The following TENM2 variants were observed in gnomAD, a reference collection of about 807,000 sequenced individuals.
TENM2 encodes teneurin-2.
A neutral mutation model predicts 245.2 loss-of-function variants in TENM2; 52 were observed. The observed-to-expected ratio is 0.21, with a 90% CI of 0.17 to 0.27. TENM2 has a LOEUF of 0.27. Among genes scored for constraint, TENM2 ranks in the 10% least tolerant of loss-of-function variants. The probability of loss-of-function intolerance (pLI) is 1.00; values close to 1 mark genes in which losing one functional copy is unlikely to be tolerated. For synonymous variants in TENM2, 1,363 were observed against 1,438.9 expected, an observed-to-expected ratio of 0.95 and a Z score of 1.19; for missense variants, 3,046 against 3,666.8, an observed-to-expected ratio of 0.83 and a Z score of 4.37.
the TENM2 span, among the ~76,000 whole-genome samples, chr5:167,200,448 C>T: frequency 1.3e-5 from 2 of 151,930 alleles, no homozygotes; most frequent in Non-Finnish European, 2.9e-5. Context: ...CCCCTTCCAT[C>T]TATGCACAGA....
chr5:167,185,267 T>G, the TENM2 span, among the ~76,000 whole-genome samples: 1 of 152,128 alleles, frequency 6.6e-6, no homozygotes, highest in South Asian at 2.1e-4. Context: ...CATAACCCAT[T>G]TAACACACCA....
chr5:167,293,539 G>T (rs182754456), intron 1 of TENM2, among the ~76,000 whole-genome samples: 3 of 151,782 alleles, frequency 2.0e-5, no homozygotes, highest in Admixed American at 2.0e-4. Context: ...TGGCTTTTTA[G>T]GATACCTTAA....
At chr5:167,204,645 A>T in the TENM2 span, among the ~76,000 whole-genome samples, 1 of 152,202 alleles carries the variant, frequency 6.6e-6, no homozygotes, top group East Asian at 1.9e-4. Flanking sequence ...GGGGCAGGGA[A>T]ATCTTATGAC....
chr5:167,607,986 G>C (rs551053063), intron 2 of TENM2, among the ~76,000 whole-genome samples: 3 of 151,744 alleles, frequency 2.0e-5, no homozygotes, highest in Non-Finnish European at 4.4e-5. Flanking sequence ...TAGAGCGCTT[G>C]GCCAACGTAT....
intron 2 of TENM2, among the ~76,000 whole-genome samples, chr5:167,415,409 T>C (rs1763114702): frequency 6.6e-6 from 1 of 152,206 alleles, no homozygotes; most frequent in Non-Finnish European, 1.5e-5. Flanking sequence ...AATTAACTTA[T>C]TACTCTTCAT....
chr5:167,533,597 C>T (rs1582312454), intron 2 of TENM2, among the ~76,000 whole-genome samples: 1 of 152,072 alleles, frequency 6.6e-6, no homozygotes. Flanking sequence ...GTTGGGACTA[C>T]AGGCATGCAT....
intron 2 of TENM2, among the ~76,000 whole-genome samples, chr5:167,848,437 A>AAT (rs1014517956): frequency 9.2e-4 from 139 of 151,812 alleles, no homozygotes; most frequent in Admixed American, 1.8e-3. Flanking sequence ...TGCTTTGGCA[A>AAT]ATATATATAT....
intron 5 of TENM2, among the ~76,000 whole-genome samples, chr5:168,031,960 G>C (rs181352271): frequency 6.6e-6 from 1 of 152,278 alleles, no homozygotes; most frequent in Admixed American, 6.5e-5. Flanking sequence ...TCCTACAAAA[G>C]CCTAGTTTAC....
intron 2 of TENM2, among the ~76,000 whole-genome samples, chr5:167,585,942 T>C (rs1478760238): frequency 2.0e-5 from 3 of 151,960 alleles, no homozygotes; most frequent in Non-Finnish European, 4.4e-5. Flanking sequence ...CTGGGCAACA[T>C]GGCGAAACCG....
intron 2 of TENM2, among the ~76,000 whole-genome samples, chr5:167,383,184 A>G (rs904941330): frequency 1.3e-5 from 2 of 152,166 alleles, no homozygotes; most frequent in African/African-American, 4.8e-5. Flanking sequence ...ATAGAAATCA[A>G]TAAATATAAA....
In TENM2 at chr5:167,504,436, A is replaced by G. The variant is rs578148749; in HGVS notation, c.502+128963A>G. Among the ~76,000 whole-genome samples, 14 of 152,324 alleles carry G rather than the reference A, an allele frequency of 9.2e-5. No individual in the cohort carries two copies. In the South Asian group the frequency reaches 2.9e-3, roughly 32 times the overall value. On this transcript the variant is annotated intron_variant, in intron 2 of 28. Transcript: ENST00000518659. The stretch of plus-strand genomic sequence containing the variant: ...AATGTATTGCCTGTGGATTTTTCCT[A>G]CAGTTCATTGTAACTGTGACTAATT...
At chr5:167,723,763 G>A (rs1160943885) in intron 2 of TENM2, among the ~76,000 whole-genome samples, 8 of 152,164 alleles carry the variant, frequency 5.3e-5, no homozygotes, top group South Asian at 2.1e-4. Context: ...TGCAGTTTCA[G>A]GTTCTAGACC....
At chr5:167,581,367 A>G (rs989942899) in intron 2 of TENM2, among the ~76,000 whole-genome samples, 1 of 152,254 alleles carries the variant, frequency 6.6e-6, no homozygotes, top group African/African-American at 2.4e-5. Context: ...TCTGTTAGAA[A>G]GAAACATACT....
chr5:167,240,247 TGG>T, the TENM2 span, among the ~76,000 whole-genome samples: 1 of 151,992 alleles, frequency 6.6e-6, no homozygotes, highest in Admixed American at 6.6e-5. Flanking sequence ...AAAGTGACTT[TGG>T]TAGGTGGCCT....
chr5:167,404,195 G>A (rs1328326590), intron 2 of TENM2, among the ~76,000 whole-genome samples: 1 of 151,224 alleles, frequency 6.6e-6, no homozygotes, highest in Non-Finnish European at 1.5e-5. Flanking sequence ...CTTGAGGATG[G>A]GTAGAAGAGA....
At chr5:167,634,678 C>T (rs1389328069) in intron 2 of TENM2, among the ~76,000 whole-genome samples, 1 of 151,356 alleles carries the variant, frequency 6.6e-6, no homozygotes, top group African/African-American at 2.4e-5. Context: ...TTTTTAACCA[C>T]GTACTTAAGC....
rs557142926 is a variant in TENM2 at position 167,640,767 on chromosome 5, T to A, written c.503-235219T>A. On this transcript the variant is annotated intron_variant, in intron 2 of 28. Transcript: ENST00000518659. ...TTTTAAATAGATTCTGACACTGAAATTCCATAGATATCACATAAGGCAGTG... is the reference window on the plus strand; with the variant it reads ...TTTTAAATAGATTCTGACACTGAAAATCCATAGATATCACATAAGGCAGTG... Among the ~76,000 whole-genome samples the A allele has an allele frequency of 1.4e-4, 20 of 146,582 alleles. No individual in the cohort carries two copies. In the South Asian group the frequency reaches 4.3e-3, roughly 32 times the overall value.
Position 168,065,133 on chromosome 5 carries a change from G to A in TENM2, c.1515+2868G>A, listed in dbSNP as rs142806258. ...AAAAAGAGAAAGTGAAAGAGGTGGG[G>A]TGGGGGTAGAATATGAAATTCTATT... On this transcript the variant is annotated intron_variant, in intron 7 of 28. Transcript: ENST00000518659. Among the ~76,000 whole-genome samples the A allele has an allele frequency of 1.2e-4, 19 of 152,320 alleles. 1 individual carries two copies. Among genetic ancestry groups the A allele is most frequent in the Admixed American group, 2.6e-4 (4 of 15,306 alleles).
chr5:167,913,656 C>G (rs140859482), intron 3 of TENM2, among the ~76,000 whole-genome samples: 5 of 152,268 alleles, frequency 3.3e-5, no homozygotes, highest in African/African-American at 1.2e-4. Flanking sequence ...ATTTCCTCTC[C>G]TGATGCTTTT....
Sources: allele counts gnomAD v4.1 joint callset (sites outside exome capture counted in the v4.1 genomes callset), GRCh38; gene constraint gnomAD v4.1.1; transcripts MANE v1.5; gene names NCBI Gene and HGNC (gene_info 2026-07-23, HGNC 2026-07-21).